ZNF608: variants seen among roughly 807,000 people sequenced by gnomAD.
The protein encoded by ZNF608 is renal carcinoma antigen NY-REN-36.
ZNF608 carries 12 observed loss-of-function variants against 109.0 expected under a neutral mutation model. The observed-to-expected ratio is 0.11, with a 90% CI of 0.07 to 0.18. The LOEUF (loss-of-function observed/expected upper bound fraction) is 0.18. ZNF608 is among the 10% of genes least tolerant of loss of function. The pLI is 1.00. For missense variants in ZNF608, 1,707 were observed against 1,879.3 expected, an observed-to-expected ratio of 0.91 and a Z score of 1.70; for synonymous variants, 732 against 717.4, an observed-to-expected ratio of 1.02 and a Z score of -0.33.
chr5:124,725,872 A>G (rs1377750542), intron 2 of ZNF608, among the ~76,000 whole-genome samples: 2 of 152,018 alleles, frequency 1.3e-5, no homozygotes, highest in Non-Finnish European at 1.5e-5. Flanking sequence ...CAGCATACAA[A>G]CAGGCTGTGA....
intron 3 of ZNF608, among the ~76,000 whole-genome samples, chr5:124,653,501 GTC>G (rs956797831): frequency 1.3e-5 from 2 of 152,196 alleles, no homozygotes; most frequent in African/African-American, 4.8e-5. Flanking sequence ...TACTTCAAGA[GTC>G]TGTGCATGAA....
chr5:124,726,664 A>T (rs1259579911), intron 2 of ZNF608, among the ~76,000 whole-genome samples: 6 of 16,120 alleles, frequency 3.7e-4, no homozygotes, highest in Non-Finnish European at 6.9e-4. Flanking sequence ...GATTTGTTTA[A>T]AAAAAAAAAA....
At chr5:124,737,051 GGAAAA>G (rs891861492) in intron 2 of ZNF608, among the ~76,000 whole-genome samples, 1 of 152,050 alleles carries the variant, frequency 6.6e-6, no homozygotes, top group Admixed American at 6.5e-5. Context: ...GGAAATAAGA[GGAAAA>G]GAAAACACAT....
At chr5:124,678,487 A>C (rs1752054418) in intron 3 of ZNF608, among the ~76,000 whole-genome samples, 1 of 152,212 alleles carries the variant, frequency 6.6e-6, no homozygotes, top group African/African-American at 2.4e-5. Context: ...TAGTCTAAAC[A>C]GACGGGGGAC....
At chr5:124,734,530 GAAGACCA>G in intron 2 of ZNF608, 1 of 152,332 alleles carries the variant, frequency 6.6e-6, no homozygotes, top group South Asian at 2.1e-4. Context: ...GAGGGACTGG[GAAGACCA>G]AAGTCACAGG....
intron 2 of ZNF608, among the ~76,000 whole-genome samples, chr5:124,722,678 G>A (rs957302051): frequency 6.6e-6 from 1 of 151,988 alleles, no homozygotes; most frequent in Admixed American, 6.6e-5. Context: ...GCAGGGAGGT[G>A]GGGGTTGAGG....
chr5:124,703,388 G>A (rs1317520593), intron 2 of ZNF608, among the ~76,000 whole-genome samples: 2 of 152,100 alleles, frequency 1.3e-5, no homozygotes, highest in African/African-American at 4.8e-5. Flanking sequence ...ACTAACACTA[G>A]GATTGGCGCC....
intron 2 of ZNF608, among the ~76,000 whole-genome samples, chr5:124,737,089 A>G (rs1014020472): frequency 6.6e-6 from 1 of 152,248 alleles, no homozygotes; most frequent in Admixed American, 6.5e-5. Context: ...AGTCCCTTTA[A>G]GTAAAATTAT....
chr5:124,710,526 G>A (rs1753445846), intron 2 of ZNF608: 6 of 244,508 alleles, frequency 2.5e-5, no homozygotes, highest in South Asian at 1.4e-4. Flanking sequence ...ATCGTGGGTC[G>A]GCTACAGAAG....
intron 3 of ZNF608, among the ~76,000 whole-genome samples, chr5:124,671,740 A>G (rs1751734071): frequency 6.7e-6 from 1 of 149,658 alleles, no homozygotes; most frequent in Non-Finnish European, 1.5e-5. Context: ...GGCTCAAGCC[A>G]TCCTTCTAGC....
rs35187968 is a variant in ZNF608 at position 124,640,694 on chromosome 5, A to C, written c.4450+558T>G. ...TCAACTAATGAACTACAAGGTGAAG[A>C]TTCCCTCATATCAATCCTATGGCTT... On this transcript the variant is annotated intron_variant, in intron 8 of 9. Coordinates refer to ENST00000513986, the MANE Select transcript of ZNF608 (RefSeq NM_020747.3). 1.5e-4 allele frequency among the ~76,000 whole-genome samples: 23 copies of C among 152,230 alleles called. No homozygotes were observed. In the East Asian group the frequency reaches 4.4e-3, roughly 29 times the overall value.
chr5:124,644,923 A>T (rs1194162973), intron 5 of ZNF608, among the ~76,000 whole-genome samples: 1 of 152,212 alleles, frequency 6.6e-6, no homozygotes, highest in African/African-American at 2.4e-5. Flanking sequence ...CATCAAGGTC[A>T]TGCTGCTGCC....
rs1156276798 is a variant in ZNF608, at chr5:124,709,170, C to CAAAAAAAAAAA, written c.907-7912_907-7902dup. On this transcript the variant is annotated intron_variant, in intron 2 of 9. Coordinates refer to ENST00000513986, the MANE Select transcript of ZNF608 (RefSeq NM_020747.3). The stretch of plus-strand genomic sequence containing the variant: ...TGGGCAACAGAGAGAGACTCTGTCT[C>CAAAAAAAAAAA]AAAAAAAAAAAAAAAAAAAAAAAAA... Among the ~76,000 whole-genome samples the CAAAAAAAAAAA allele has an allele frequency of 5.4e-3, 176 of 32,704 alleles. 11 individuals carry two copies. Among genetic ancestry groups the CAAAAAAAAAAA allele is most frequent in the Non-Finnish European group, 7.8e-3 (147 of 18,812 alleles). The allele number at this position is 32,704 out of a possible 152,430, so 21.5% of individuals were successfully genotyped here. A position where few individuals can be genotyped will look rare whatever the true frequency, so the allele number is the denominator to read the frequency against.
chr5:124,644,366 G>A lies in ZNF608; in HGVS notation c.4001C>T (p.Ser1334Leu), dbSNP rs771349508. ...GTATGACTGATGCTGACTCATGGGT[G>A]AGGAGACAGCCACTCTTGTTCCCCG... ...DSRGTRVAVS[S>L]PMSQHQSYIQ... The change falls in exon 6 of 10, where the codon TCA (serine) becomes TTA (leucine). Residue 1334 changes from serine (S) to leucine (L), a missense_variant. Ser to Leu is a moderately radical substitution (Grantham distance 145). Around this residue, in one of 7 missense-constraint regions of ZNF608, gnomAD observed 1,073 missense variants for 1,133.5 expected, o/e 0.95. Transcript: ENST00000513986. The A allele has an allele frequency of 2.5e-6, 4 of 1,614,166 alleles. 1 individual carries two copies. The highest frequency in any genetic ancestry group is 3.3e-4 in the Middle Eastern group (2 of 6,062).
At chr5:124,701,978 T>C (rs183513495) in intron 2 of ZNF608, among the ~76,000 whole-genome samples, 4 of 152,296 alleles carry the variant, frequency 2.6e-5, no homozygotes, top group Admixed American at 2.6e-4. Flanking sequence ...AGATCCCTAA[T>C]GAGTTTGATT....
chr5:124,694,915 G>A (rs935783558), intron 3 of ZNF608, among the ~76,000 whole-genome samples: 3 of 152,314 alleles, frequency 2.0e-5, no homozygotes, highest in South Asian at 2.1e-4. Context: ...CCAGGAAGCC[G>A]AGGGGAAAGT....
chr5:124,703,810 C>T (rs759177779), intron 2 of ZNF608, among the ~76,000 whole-genome samples: 14 of 152,018 alleles, frequency 9.2e-5, no homozygotes, highest in Non-Finnish European at 1.9e-4. Context: ...ACTTTTCAGC[C>T]GCCTAATATT....
intron 2 of ZNF608, among the ~76,000 whole-genome samples, chr5:124,721,897 G>A (rs1455310053): frequency 4.1e-5 from 5 of 121,614 alleles, no homozygotes; most frequent in Admixed American, 1.1e-4. Flanking sequence ...AGCCGAGATC[G>A]TACCACTGCA....
intron 2 of ZNF608, among the ~76,000 whole-genome samples, chr5:124,713,648 C>G (rs1580679686): frequency 6.6e-6 from 1 of 152,174 alleles, no homozygotes; most frequent in African/African-American, 2.4e-5. Context: ...CGTGATGTTG[C>G]CTCTTGGCCT....
Sources: allele counts gnomAD v4.1 joint callset (sites outside exome capture counted in the v4.1 genomes callset), GRCh38; gene constraint gnomAD v4.1.1; regional missense constraint gnomAD v4.1.1; transcripts MANE v1.5; gene names NCBI Gene and HGNC (gene_info 2026-07-23, HGNC 2026-07-21).